The following PCDHA11 variants were observed in gnomAD, a reference collection of about 807,000 sequenced individuals.
PCDHA11 encodes protocadherin alpha-11.
Under a neutral mutation model 70.3 loss-of-function variants are expected in PCDHA11, and 61 were observed. That is an observed-to-expected ratio of 0.87 (90% CI 0.71 to 1.07). The LOEUF (loss-of-function observed/expected upper bound fraction) is 1.07. Among genes scored for constraint, PCDHA11 ranks in the 50% least tolerant of loss-of-function variants. The pLI, the probability that PCDHA11 is intolerant of heterozygous loss-of-function variation, is 0.00. For missense variants in PCDHA11, 1,324 were observed against 1,237.5 expected, an observed-to-expected ratio of 1.07 and a Z score of -1.05; for synonymous variants, 633 against 555.1, an observed-to-expected ratio of 1.14 and a Z score of -1.97.
intron 1 of PCDHA11, among the ~76,000 whole-genome samples, chr5:140,963,448 A>G (rs567394961): frequency 1.3e-5 from 2 of 152,370 alleles, no homozygotes; most frequent in Non-Finnish European, 2.9e-5. Flanking sequence ...CTCTGTTGCT[A>G]AAGTATTTCT....
chr5:140,967,034 C>T (rs782810130), intron 1 of PCDHA11: 9 of 1,610,726 alleles, frequency 5.6e-6, no homozygotes, highest in Non-Finnish European at 2.5e-6. Flanking sequence ...TCCGCGCTAC[C>T]TGGAGCTGGA....
At chr5:140,968,339 A>C in intron 1 of PCDHA11, 1 of 1,614,114 alleles carries the variant, frequency 6.2e-7, no homozygotes, top group Non-Finnish European at 8.5e-7. Flanking sequence ...TGTCTCCATT[A>C]ACAGTGCCAG....
chr5:140,968,876 A>G (rs782240993), intron 1 of PCDHA11: 51 of 1,614,112 alleles, frequency 3.2e-5, no homozygotes, highest in Non-Finnish European at 4.1e-5. Context: ...ATACTCTGAA[A>G]TTACCCTTTA....
intron 3 of PCDHA11, among the ~76,000 whole-genome samples, chr5:140,984,589 T>C (rs2097109638): frequency 6.6e-6 from 1 of 152,186 alleles, no homozygotes; most frequent in Non-Finnish European, 1.5e-5. Flanking sequence ...ATCATACTTT[T>C]CAATACATAC....
intron 1 of PCDHA11, among the ~76,000 whole-genome samples, chr5:140,978,505 C>T (rs2096806553): frequency 6.6e-6 from 1 of 152,354 alleles, no homozygotes; most frequent in South Asian, 2.1e-4. Context: ...AGATTGCAGT[C>T]CTCTGCAGTC....
chr5:140,941,341 G>A (rs1413393487), intron 1 of PCDHA11, among the ~76,000 whole-genome samples: 1 of 119,412 alleles, frequency 8.4e-6, no homozygotes, highest in African/African-American at 3.2e-5. Flanking sequence ...TTTTCAGATG[G>A]AGTCTTGCTC....
chr5:141,005,164 G>T (rs782398186), intron 3 of PCDHA11, among the ~76,000 whole-genome samples: 1 of 152,178 alleles, frequency 6.6e-6, no homozygotes, highest in Non-Finnish European at 1.5e-5. Context: ...TAAAGAGTGG[G>T]TACCACTTTC....
At position 140,894,665 on chromosome 5, in the gene PCDHA11, G is replaced by T. The variant is rs189476056; in HGVS notation, c.2391+23171G>T. Among the ~76,000 whole-genome samples, 418 of 151,474 alleles carry T rather than the reference G, an allele frequency of 2.8e-3. 2 individuals are homozygous for T. Among genetic ancestry groups the T allele is most frequent in the Middle Eastern group, 0.011 (3 of 280 alleles). On this transcript the variant is annotated intron_variant, in intron 1 of 3. Transcript: ENST00000398640. ...CTGAGTCTCTCTAATTCTGATTTGT[G>T]TATTCTTGCATAGCTTTTCATTATT...
At position 140,889,293 on chromosome 5, in the gene PCDHA11, T is replaced by C. The variant is rs1051889855; in HGVS notation, c.2391+17799T>C. 3.3e-5 allele frequency among the ~76,000 whole-genome samples: 5 copies of C among 152,196 alleles called. No individual in the cohort carries two copies. The South Asian group carries it at 6.2e-4, about 19-fold the overall frequency. The stretch of plus-strand genomic sequence containing the variant: ...ATCTTTGAATTACTTCTTATTTGAT[T>C]GGAGAACTCACTGTTGAAGTTATCT... On this transcript the variant is annotated intron_variant, in intron 1 of 3. Transcript: ENST00000398640.
At chr5:140,958,700 C>G (rs2095439212) in intron 1 of PCDHA11, among the ~76,000 whole-genome samples, 1 of 152,086 alleles carries the variant, frequency 6.6e-6, no homozygotes, top group Non-Finnish European at 1.5e-5. Context: ...CCTAGAGTGA[C>G]AACTCTGTTA....
intron 3 of PCDHA11, among the ~76,000 whole-genome samples, chr5:140,995,158 A>G (rs1554254485): frequency 6.6e-6 from 1 of 152,180 alleles, no homozygotes; most frequent in African/African-American, 2.4e-5. Flanking sequence ...TATATACATT[A>G]TGTTCTTTCA....
intron 1 of PCDHA11, among the ~76,000 whole-genome samples, chr5:140,951,497 A>G (rs2094591184): frequency 6.6e-6 from 1 of 152,030 alleles, no homozygotes; most frequent in Non-Finnish European, 1.5e-5. Flanking sequence ...GGTGGAAGGC[A>G]AAAGGAAAGC....
At chr5:140,913,122 C>A (rs2076217505) in intron 1 of PCDHA11, among the ~76,000 whole-genome samples, 1 of 152,158 alleles carries the variant, frequency 6.6e-6, no homozygotes, top group African/African-American at 2.4e-5. Context: ...TGGAAGTTAA[C>A]CCCTCCTCTA....
chr5:140,963,529 C>T (rs1332936829), intron 1 of PCDHA11, among the ~76,000 whole-genome samples: 1 of 152,176 alleles, frequency 6.6e-6, no homozygotes, highest in Non-Finnish European at 1.5e-5. Flanking sequence ...ACAGAAGTCC[C>T]ATTTACTTCA....
chr5:140,987,579 G>A (rs1587244490), intron 3 of PCDHA11, among the ~76,000 whole-genome samples: 1 of 152,280 alleles, frequency 6.6e-6, no homozygotes, highest in East Asian at 1.9e-4. Flanking sequence ...TCTATAAAAT[G>A]GGGAGAATAG....
chr5:140,891,234 G>A (rs1477518444), intron 1 of PCDHA11, among the ~76,000 whole-genome samples: 2 of 151,932 alleles, frequency 1.3e-5, no homozygotes, highest in Non-Finnish European at 2.9e-5. Context: ...ATCCTGTTCT[G>A]GATTCAGTAG....
chr5:140,883,707 A>C, intron 1 of PCDHA11: 1 of 1,613,636 alleles, frequency 6.2e-7, no homozygotes. Context: ...GTGTCTGCTC[A>C]GGACGCGGAC....
intron 1 of PCDHA11, among the ~76,000 whole-genome samples, chr5:140,956,583 C>T (rs155799): frequency 0.28 from 42,736 of 152,052 alleles, 6,865 homozygotes; most frequent in East Asian, 0.53. Context: ...TGCATTGATG[C>T]TTATCAGGGA....
In PCDHA11 at chr5:141,010,015, C is replaced by G; in HGVS notation, c.*78C>G. On this transcript the variant is annotated 3_prime_UTR_variant, in exon 4 of 4. Transcript: ENST00000398640. ...CTCTCCCATGTAGCAATTCCCTGCT[C>G]CTTTTTCCTATCTACATGAGCCCTC... is the stretch of plus-strand genomic sequence containing the variant. 6.4e-7 allele frequency: 1 copy of G among 1,572,182 alleles called. No homozygotes were observed. Among genetic ancestry groups the G allele is most frequent in the Non-Finnish European group, 8.6e-7 (1 of 1,163,250 alleles).
Sources: allele counts gnomAD v4.1 joint callset (sites outside exome capture counted in the v4.1 genomes callset), GRCh38; gene constraint gnomAD v4.1.1; transcripts MANE v1.5; gene names NCBI Gene and HGNC (gene_info 2026-07-23, HGNC 2026-07-21).